The following MCF2L2 variants were observed in gnomAD, a reference collection of about 807,000 sequenced individuals.
MCF2L2 encodes the protein MCF.2 cell line derived transforming sequence-like 2.
In MCF2L2, 102 loss-of-function variants were observed where a neutral mutation model predicts 150.2. The ratio of observed to expected loss-of-function variants is 0.68; its 90% CI spans 0.58 to 0.80. The LOEUF (loss-of-function observed/expected upper bound fraction) is 0.80, where lower values mean the gene tolerates loss of function less well. MCF2L2 is among the 30% of genes least tolerant of loss of function. The pLI is 0.00. For synonymous variants in MCF2L2, 465 were observed against 491.3 expected, an observed-to-expected ratio of 0.95 and a Z score of 0.71; for missense variants, 1,256 against 1,372.8, an observed-to-expected ratio of 0.91 and a Z score of 1.34.
At chr3:183,409,373 G>T (rs763977776) in intron 1 of MCF2L2, among the ~76,000 whole-genome samples, 1 of 152,114 alleles carries the variant, frequency 6.6e-6, no homozygotes, top group African/African-American at 2.4e-5. Context: ...CCTGACTTTT[G>T]ATTCTGACGT....
At chr3:183,309,986 C>A in intron 9 of MCF2L2, 151 bp from the exon 10 acceptor site, 1 of 691,660 alleles carries the variant, frequency 1.4e-6, no homozygotes. Flanking sequence ...TTTTGCAGCT[C>A]ACTAACTTTC....
Position 183,300,592 on chromosome 3 carries a change from C to G in MCF2L2, c.1114-396G>C, listed in dbSNP as rs566537601. Among the ~76,000 whole-genome samples, 10 of 152,216 alleles carry G rather than the reference C, an allele frequency of 6.6e-5. No individual in the cohort carries two copies. The South Asian group carries it at 2.1e-3, about 32-fold the overall frequency. ...TGCACATAATAAGAGATTTTGAATA[C>G]CCCTATTAACTAAAGGAACAAGAAG... On this transcript the variant is annotated intron_variant, in intron 10 of 29. Transcript: ENST00000328913.
chr3:183,400,837 C>T (rs1229755914), intron 1 of MCF2L2, among the ~76,000 whole-genome samples: 3 of 151,708 alleles, frequency 2.0e-5, no homozygotes, highest in Non-Finnish European at 4.4e-5. Context: ...TAGGGATAAA[C>T]TTTGTAAAGG....
chr3:183,312,128 G>C (rs1020464174), intron 7 of MCF2L2, among the ~76,000 whole-genome samples: 2 of 152,178 alleles, frequency 1.3e-5, no homozygotes, highest in African/African-American at 4.8e-5. Flanking sequence ...GATAGATACT[G>C]AATGTTGAAC....
intron 27 of MCF2L2, among the ~76,000 whole-genome samples, chr3:183,186,978 C>T (rs1721717188): frequency 6.6e-6 from 1 of 152,206 alleles, no homozygotes; most frequent in South Asian, 2.1e-4. Flanking sequence ...TGACATTCTA[C>T]ATGTGTACTC....
At chr3:183,250,141 G>A (rs1010396025) in intron 15 of MCF2L2, among the ~76,000 whole-genome samples, 20 of 152,282 alleles carry the variant, frequency 1.3e-4, no homozygotes, top group African/African-American at 4.8e-4. Flanking sequence ...AGAAAAAGGA[G>A]GATTCTTGCT....
intron 14 of MCF2L2, among the ~76,000 whole-genome samples, chr3:183,285,998 C>T (rs188999066): frequency 8.7e-4 from 132 of 152,220 alleles, no homozygotes; most frequent in African/African-American, 3.1e-3. Flanking sequence ...CACAGCGAAT[C>T]GCTTCCACCA....
At chr3:183,370,381 C>T (rs765767236) in intron 3 of MCF2L2, among the ~76,000 whole-genome samples, 1 of 152,266 alleles carries the variant, frequency 6.6e-6, no homozygotes, top group Admixed American at 6.5e-5. Context: ...TCGGGCAAGG[C>T]CCAGGGTCTC....
At chr3:183,418,113 A>G (rs1378505359) in intron 1 of MCF2L2, among the ~76,000 whole-genome samples, 2 of 152,124 alleles carry the variant, frequency 1.3e-5, no homozygotes, top group African/African-American at 2.4e-5. Flanking sequence ...ACTTGGACCC[A>G]GGAGGCAGAG....
chr3:183,315,629 T>C (rs1729574027), intron 7 of MCF2L2, among the ~76,000 whole-genome samples: 2 of 152,180 alleles, frequency 1.3e-5, no homozygotes, highest in African/African-American at 4.8e-5. Context: ...GAGCTGCCTG[T>C]TTTAATTCTG....
intron 15 of MCF2L2, among the ~76,000 whole-genome samples, chr3:183,232,878 A>G (rs1723622913): frequency 2.0e-5 from 3 of 152,242 alleles, no homozygotes; most frequent in Non-Finnish European, 4.4e-5. Context: ...TATTGGTAAA[A>G]TGTGTAAATT....
chr3:183,395,482 A>G (rs1374223174), intron 1 of MCF2L2, among the ~76,000 whole-genome samples: 1 of 152,248 alleles, frequency 6.6e-6, no homozygotes, highest in Non-Finnish European at 1.5e-5. Context: ...ACGGAAAAGT[A>G]TGCACTGGTA....
At chr3:183,222,647 A>T (rs1403417547) in intron 20 of MCF2L2, among the ~76,000 whole-genome samples, 1 of 152,176 alleles carries the variant, frequency 6.6e-6, no homozygotes, top group Non-Finnish European at 1.5e-5. Flanking sequence ...TTTTATTAAG[A>T]AATAGTGGCC....
intron 15 of MCF2L2, chr3:183,271,088 C>T: frequency 1.5e-6 from 1 of 659,272 alleles, no homozygotes; most frequent in Non-Finnish European, 2.4e-6. Flanking sequence ...ATTCTAGAAG[C>T]TGTTTAATAT....
At chr3:183,299,655 G>A (rs190602278) in intron 11 of MCF2L2, 18 of 211,452 alleles carry the variant, frequency 8.5e-5, no homozygotes, top group African/African-American at 4.2e-4. Context: ...TATGAGGGAA[G>A]CACTCTGCAA....
chr3:183,316,330 T>G (rs1226601210), intron 7 of MCF2L2, among the ~76,000 whole-genome samples: 1 of 144,348 alleles, frequency 6.9e-6, no homozygotes, highest in East Asian at 2.1e-4. Context: ...TATTTTGGTG[T>G]TTTTTTGTTT....
intron 15 of MCF2L2, among the ~76,000 whole-genome samples, chr3:183,245,617 C>G (rs1431579740): frequency 6.6e-6 from 1 of 151,990 alleles, no homozygotes; most frequent in African/African-American, 2.4e-5. Flanking sequence ...GGCTCGGTCT[C>G]AATACAGTCC....
At chr3:183,330,436 T>C (rs1386027057) in intron 5 of MCF2L2, among the ~76,000 whole-genome samples, 1 of 151,088 alleles carries the variant, frequency 6.6e-6, no homozygotes, top group Non-Finnish European at 1.5e-5. Flanking sequence ...TTTGTATGAC[T>C]CTCTGCAAAA....
intron 9 of MCF2L2, chr3:183,310,665 A>T: frequency 2.3e-6 from 1 of 438,912 alleles, no homozygotes; most frequent in Non-Finnish European, 4.2e-6. Context: ...CCTGTTTCAA[A>T]AAAAAAAGGA....
Sources: gnomAD v4.1 joint callset for allele counts (sites outside exome capture counted in the v4.1 genomes callset) on GRCh38, gnomAD v4.1.1 for gene constraint, MANE v1.5 for transcripts, NCBI Gene and HGNC (gene_info 2026-07-23, HGNC 2026-07-21) for gene names.